The following TEX9 variants were observed in gnomAD, a reference collection of about 807,000 sequenced individuals.
TEX9 encodes testis expressed 9.
In TEX9, 74 loss-of-function variants were observed where a neutral mutation model predicts 59.6. The ratio of observed to expected loss-of-function variants is 1.24; its 90% CI spans 1.03 to 1.51. The LOEUF is 1.51. Among genes scored for constraint, TEX9 ranks in the 40% most tolerant of loss-of-function variants. The probability of loss-of-function intolerance (pLI) is 0.00; values close to 1 mark genes in which losing one functional copy is unlikely to be tolerated. For missense variants in TEX9, 522 were observed against 447.8 expected, an observed-to-expected ratio of 1.17 and a Z score of -1.49; for synonymous variants, 186 against 152.2, an observed-to-expected ratio of 1.22 and a Z score of -1.64.
chr15:56,271,298 A>G (rs1323212060), intron 1 of TEX9, among the ~76,000 whole-genome samples: 8 of 152,032 alleles, frequency 5.3e-5, no homozygotes, highest in Admixed American at 4.6e-4. Flanking sequence ...TGATCTTTTC[A>G]CATAGTCCCA....
intron 1 of TEX9, among the ~76,000 whole-genome samples, chr15:56,357,200 A>C (rs1370411977): frequency 6.6e-6 from 1 of 152,142 alleles, no homozygotes; most frequent in African/African-American, 2.4e-5. Context: ...ATTGGTCATT[A>C]ATAACCAAGC....
At chr15:56,305,748 T>C (rs1593455) in intron 1 of TEX9, among the ~76,000 whole-genome samples, 143,086 of 152,208 alleles carry the variant, frequency 0.94, 67,872 homozygotes, top group East Asian at 1. Flanking sequence ...TGAGCACAGG[T>C]GGTCAAAGCA....
intron 9 of TEX9, among the ~76,000 whole-genome samples, chr15:56,399,708 A>G (rs2048674838): frequency 6.6e-6 from 1 of 152,224 alleles, no homozygotes; most frequent in Non-Finnish European, 1.5e-5. Flanking sequence ...ACCTCCCAGT[A>G]GGGGCCAACA....
intron 9 of TEX9, among the ~76,000 whole-genome samples, chr15:56,411,561 C>G (rs1447624010): frequency 6.6e-6 from 1 of 152,136 alleles, no homozygotes; most frequent in African/African-American, 2.4e-5. Flanking sequence ...AGGAAGAGCA[C>G]AGGCGAAGAC....
intron 1 of TEX9, among the ~76,000 whole-genome samples, chr15:56,278,666 A>G (rs759057884): frequency 1.3e-5 from 2 of 152,094 alleles, no homozygotes; most frequent in African/African-American, 4.8e-5. Context: ...TGCCTTTTAG[A>G]AGCTTATTGC....
At chr15:56,263,593 T>C (rs1462651086) in intron 1 of TEX9, among the ~76,000 whole-genome samples, 1 of 152,198 alleles carries the variant, frequency 6.6e-6, no homozygotes, top group Non-Finnish European at 1.5e-5. Flanking sequence ...TCACCATTCT[T>C]ACTAGATAGT....
At chr15:56,455,649 G>T in the TEX9 span, among the ~76,000 whole-genome samples, 1 of 152,154 alleles carries the variant, frequency 6.6e-6, no homozygotes, top group African/African-American at 2.4e-5. Context: ...TTCCTAAAAA[G>T]TAATTCGATC....
At chr15:56,280,673 C>G (rs1477994131) in intron 1 of TEX9, among the ~76,000 whole-genome samples, 1 of 152,198 alleles carries the variant, frequency 6.6e-6, no homozygotes, top group African/African-American at 2.4e-5. Context: ...TTTTTAATCT[C>G]ACAGAATTGA....
intron 1 of TEX9, among the ~76,000 whole-genome samples, chr15:56,327,693 G>A (rs79095993): frequency 0.059 from 8,971 of 152,176 alleles, 673 homozygotes; most frequent in East Asian, 0.37. Context: ...GTGCGTTTGC[G>A]AGAGGGAGAT....
chr15:56,369,968 C>A (rs187003834), intron 2 of TEX9, among the ~76,000 whole-genome samples: 262 of 116,678 alleles, frequency 2.2e-3, no homozygotes, highest in African/African-American at 7.5e-3. Flanking sequence ...CATTATTATG[C>A]AGTGTCTATC....
chr15:56,335,766 A>G (rs2046245172), intron 1 of TEX9, among the ~76,000 whole-genome samples: 1 of 152,160 alleles, frequency 6.6e-6, no homozygotes, highest in African/African-American at 2.4e-5. Flanking sequence ...TAACCCATAA[A>G]TATATATACC....
At chr15:56,425,040 T>C (rs56211633) in intron 10 of TEX9, among the ~76,000 whole-genome samples, 1,874 of 152,276 alleles carry the variant, frequency 0.012, 21 homozygotes, top group Non-Finnish European at 0.017. Context: ...GGTTTTTTTC[T>C]TTCAGCCCTT....
chr15:56,457,181 T>C, the TEX9 span, among the ~76,000 whole-genome samples: 35 of 152,316 alleles, frequency 2.3e-4, 1 homozygote, highest in South Asian at 7.2e-3. Context: ...AATTAGGACA[T>C]ACATCCCGTA....
At chr15:56,320,684 A>G (rs1048772316) in intron 1 of TEX9, among the ~76,000 whole-genome samples, 9 of 152,194 alleles carry the variant, frequency 5.9e-5, no homozygotes, top group Non-Finnish European at 1.3e-4. Context: ...TATGTTGTGT[A>G]TGCTTGCTGT....
At position 56,316,692 on chromosome 15, in the gene TEX9, C is replaced by T. The variant is rs192152952; in HGVS notation, c.-106-56749C>T. 6.0e-3 allele frequency among the ~76,000 whole-genome samples: 915 copies of T among 152,274 alleles called. 2 individuals carry two copies. Among genetic ancestry groups the T allele is most frequent in the Non-Finnish European group, 0.01 (690 of 68,002 alleles). On this transcript the variant is annotated intron_variant, in intron 1 of 5. Coordinates refer to the TEX9 transcript ENST00000560827. ...GTGGGCTCCACCCAGTTGGAGCTTCCGGGCTGCTTTGTTTACCTAATCAAG... is the reference window on the plus strand; with the variant it reads ...GTGGGCTCCACCCAGTTGGAGCTTCTGGGCTGCTTTGTTTACCTAATCAAG...
chr15:56,269,942 C>T, intron 1 of TEX9, among the ~76,000 whole-genome samples: 1 of 152,176 alleles, frequency 6.6e-6, no homozygotes, highest in East Asian at 1.9e-4. Context: ...AGGCGTGAGC[C>T]ACCGCGCCCG....
At chr15:56,261,688 G>T (rs1049472451) in intron 1 of TEX9, among the ~76,000 whole-genome samples, 6 of 152,094 alleles carry the variant, frequency 3.9e-5, no homozygotes, top group African/African-American at 1.2e-4. Context: ...TTGCACTCCA[G>T]CCTGGGCAAT....
intron 1 of TEX9, among the ~76,000 whole-genome samples, chr15:56,338,983 C>T (rs1471546989): frequency 1.3e-5 from 2 of 152,100 alleles, no homozygotes; most frequent in Non-Finnish European, 2.9e-5. Flanking sequence ...CTCTGGTGTG[C>T]ATGTATTTTA....
At chr15:56,453,806 G>A in the TEX9 span, among the ~76,000 whole-genome samples, 3 of 152,036 alleles carry the variant, frequency 2.0e-5, no homozygotes, top group South Asian at 4.1e-4. Context: ...TCAATTAACA[G>A]GAGTCATGAT....
Sources: allele counts gnomAD v4.1 joint callset (sites outside exome capture counted in the v4.1 genomes callset), GRCh38; gene constraint gnomAD v4.1.1; transcripts MANE v1.5; gene names NCBI Gene and HGNC (gene_info 2026-07-23, HGNC 2026-07-21).